Variants in DLGAP2 observed in about 807,000 individuals in gnomAD.
DLGAP2 encodes the protein disks large-associated protein 2.
DLGAP2 carries 26 observed loss-of-function variants against 100.3 expected under a neutral mutation model. The ratio of observed to expected loss-of-function variants is 0.26; its 90% CI spans 0.19 to 0.36. DLGAP2 has a LOEUF of 0.36. DLGAP2 is among the 10% of genes least tolerant of loss of function. DLGAP2 has a pLI of 1.00. For synonymous variants in DLGAP2, 886 were observed against 630.1 expected, an observed-to-expected ratio of 1.41 and a Z score of -6.08; for missense variants, 1,858 against 1,453.2, an observed-to-expected ratio of 1.28 and a Z score of -4.53.
chr8:1,594,790 A>T (rs1796399367), intron 6 of DLGAP2, among the ~76,000 whole-genome samples: 1 of 152,130 alleles, frequency 6.6e-6, no homozygotes, highest in South Asian at 2.1e-4. Context: ...GTTTTTTTAA[A>T]AAAAAGTTAA....
At chr8:1,636,265 G>C (rs1421046355) in intron 8 of DLGAP2, among the ~76,000 whole-genome samples, 1 of 152,116 alleles carries the variant, frequency 6.6e-6, no homozygotes, top group Non-Finnish European at 1.5e-5. Context: ...CTCTGGGCCG[G>C]AAATTTTCTC....
At chr8:1,303,545 T>C (rs1420590977) in intron 3 of DLGAP2, among the ~76,000 whole-genome samples, 1 of 152,106 alleles carries the variant, frequency 6.6e-6, no homozygotes, top group Non-Finnish European at 1.5e-5. Flanking sequence ...GCTGGTCTTA[T>C]CCATTAGGTT....
intron 3 of DLGAP2, chr8:1,379,630 G>C (rs1796044619): frequency 6.6e-6 from 1 of 152,246 alleles, no homozygotes; most frequent in South Asian, 2.1e-4. Context: ...ATAGAGTTGG[G>C]AAAACTCAGT....
At chr8:1,431,082 A>G (rs958711248) in intron 3 of DLGAP2, among the ~76,000 whole-genome samples, 10 of 152,224 alleles carry the variant, frequency 6.6e-5, no homozygotes, top group African/African-American at 2.2e-4. Context: ...AAACTGTAAA[A>G]TGGGAAGCAA....
At chr8:862,962 A>G (rs1797421044) in intron 1 of DLGAP2, among the ~76,000 whole-genome samples, 1 of 152,232 alleles carries the variant, frequency 6.6e-6, no homozygotes, top group Non-Finnish European at 1.5e-5. Context: ...GGTTATTTGA[A>G]TATCTGAGTC....
At chr8:1,650,114 A>G (rs2130808174) in intron 8 of DLGAP2, among the ~76,000 whole-genome samples, 1 of 152,320 alleles carries the variant, frequency 6.6e-6, no homozygotes, top group South Asian at 2.1e-4. Context: ...AAAAACGAGT[A>G]TTTCTTGTAT....
intron 3 of DLGAP2, among the ~76,000 whole-genome samples, chr8:1,288,540 G>C (rs1168401507): frequency 2.3e-5 from 1 of 43,962 alleles, no homozygotes; most frequent in Non-Finnish European, 4.0e-5. Flanking sequence ...TTTCAGTTGA[G>C]TGTGTGTGTG....
intron 2 of DLGAP2, among the ~76,000 whole-genome samples, chr8:1,092,329 G>A (rs190339193): frequency 1.6e-3 from 246 of 152,340 alleles, no homozygotes; most frequent in African/African-American, 5.5e-3. Flanking sequence ...TGTGCAATAT[G>A]TGTGCTTGGT....
At chr8:855,774 C>T (rs564393011) in intron 1 of DLGAP2, among the ~76,000 whole-genome samples, 15 of 152,160 alleles carry the variant, frequency 9.9e-5, no homozygotes, top group African/African-American at 1.4e-4. Context: ...ATGTAATCAT[C>T]GCATCAGCAG....
At chr8:1,123,509 G>C (rs1286671877) in intron 2 of DLGAP2, among the ~76,000 whole-genome samples, 2 of 152,132 alleles carry the variant, frequency 1.3e-5, no homozygotes, top group South Asian at 2.1e-4. Context: ...ATGCCTGTTA[G>C]CTTTGGAGAC....
At chr8:1,344,926 C>G (rs1563095585) in intron 3 of DLGAP2, among the ~76,000 whole-genome samples, 1 of 152,234 alleles carries the variant, frequency 6.6e-6, no homozygotes, top group Admixed American at 6.5e-5. Flanking sequence ...AGGACAGGGT[C>G]TTGGTGAAGA....
At position 1,630,615 on chromosome 8, in the gene DLGAP2, T is replaced by C. The variant is rs145136460; in HGVS notation, c.1591-2212T>C. Among the ~76,000 whole-genome samples the C allele has an allele frequency of 6.9e-3, 1,037 of 151,102 alleles. 33 individuals are homozygous for C. Among genetic ancestry groups the C allele is most frequent in the East Asian group, 0.055 (281 of 5,104 alleles). ...TACTCGGGAGGCCGAGGCAGGAGAA[T>C]GGCGTGAATCCGGGAGGTGGAGCTT... On this transcript the variant is annotated intron_variant, in intron 7 of 14. Transcript: ENST00000637795.
At chr8:1,213,938 G>C (rs1047510444) in intron 2 of DLGAP2, among the ~76,000 whole-genome samples, 1 of 152,162 alleles carries the variant, frequency 6.6e-6, no homozygotes, top group South Asian at 2.1e-4. Context: ...ACAGTGAGCT[G>C]AGGTTGACGG....
At chr8:1,650,432 C>G (rs1389357505) in intron 8 of DLGAP2, among the ~76,000 whole-genome samples, 1 of 152,184 alleles carries the variant, frequency 6.6e-6, no homozygotes, top group African/African-American at 2.4e-5. Context: ...AAGCTTAGAT[C>G]TTGATGTAAT....
chr8:882,521 G>A (rs578012190), intron 1 of DLGAP2, among the ~76,000 whole-genome samples: 1 of 92,050 alleles, frequency 1.1e-5, no homozygotes, highest in African/African-American at 4.3e-5. Flanking sequence ...CCTCCCCTGC[G>A]CGCACCCTCG....
rs145581314 is a variant in DLGAP2, at chr8:1,654,533, C to T, written c.1811-13796C>T. 1.5e-3 allele frequency among the ~76,000 whole-genome samples: 228 copies of T among 152,104 alleles called. 1 individual carries two copies. The highest frequency in any genetic ancestry group is 4.9e-3 in the African/African-American group (203 of 41,498). ...AAAATTAGCCAGGCATGGTGGCAAGCGCCTGTACTCCCAGCTACTCGGGAG... is the reference window on the plus strand; with the variant it reads ...AAAATTAGCCAGGCATGGTGGCAAGTGCCTGTACTCCCAGCTACTCGGGAG... On this transcript the variant is annotated intron_variant, in intron 8 of 14. Transcript: ENST00000637795.
intron 3 of DLGAP2, among the ~76,000 whole-genome samples, chr8:1,336,565 G>A (rs949754864): frequency 6.6e-6 from 1 of 152,214 alleles, no homozygotes; most frequent in Non-Finnish European, 1.5e-5. Flanking sequence ...CTGGGGTCTG[G>A]GCTTGGCACA....
intron 3 of DLGAP2, among the ~76,000 whole-genome samples, chr8:1,351,337 A>AGTGT (rs1554449097): frequency 2.7e-4 from 5 of 18,288 alleles, no homozygotes; most frequent in African/African-American, 6.9e-4. Flanking sequence ...GCGGGTCCTG[A>AGTGT]GTGTGGAACG....
intron 2 of DLGAP2, among the ~76,000 whole-genome samples, chr8:976,706 A>T (rs1192032906): frequency 1.3e-5 from 2 of 152,232 alleles, no homozygotes; most frequent in African/African-American, 4.8e-5. Flanking sequence ...GGCTTTTTCA[A>T]AAACGGTGCT....
Sources: allele counts gnomAD v4.1 joint callset (sites outside exome capture counted in the v4.1 genomes callset), GRCh38; gene constraint gnomAD v4.1.1; transcripts MANE v1.5; gene names NCBI Gene and HGNC (gene_info 2026-07-23, HGNC 2026-07-21).